The following CFAP36 variants were observed in gnomAD, a reference collection of about 807,000 sequenced individuals.
The protein encoded by CFAP36 is cilia and flagella associated protein 36.
CFAP36 carries 37 observed loss-of-function variants against 50.5 expected under a neutral mutation model. The observed-to-expected ratio is 0.73, with a 90% CI of 0.56 to 0.96. The LOEUF is 0.96. Among genes scored for constraint, CFAP36 ranks in the 50% least tolerant of loss-of-function variants. CFAP36 has a pLI of 0.00. For synonymous variants in CFAP36, 138 were observed against 128.2 expected, an observed-to-expected ratio of 1.08 and a Z score of -0.52; for missense variants, 407 against 396.2, an observed-to-expected ratio of 1.03 and a Z score of -0.23.
chr2:55,528,771 G>A (rs1684276290), intron 3 of CFAP36, 107 bp from the exon 4 acceptor site: 1 of 632,302 alleles, frequency 1.6e-6, no homozygotes, highest in Non-Finnish European at 2.8e-6. Flanking sequence ...AAATAACAAT[G>A]TAGCATTCTT....
Position 55,529,159 on chromosome 2 carries a change from C to T in CFAP36, c.397+167C>T, listed in dbSNP as rs184141372. Among the ~76,000 whole-genome samples the T allele has an allele frequency of 9.7e-3, 1,476 of 152,132 alleles. 7 individuals are homozygous for T. The highest frequency in any genetic ancestry group is 0.013 in the Non-Finnish European group (913 of 67,978). On this transcript the variant is annotated intron_variant, in intron 4 of 9. Transcript: ENST00000349456. ...GTATATGGCTGGGTGCAGTGGCTCA[C>T]GCCTGTAATCACAGCACTTTGGGAG...
At chr2:55,532,264 G>A (rs1684373685) in intron 4 of CFAP36, among the ~76,000 whole-genome samples, 1 of 151,824 alleles carries the variant, frequency 6.6e-6, no homozygotes, top group Non-Finnish European at 1.5e-5. Flanking sequence ...ATCCAGGGGT[G>A]AATACCTTAG....
At chr2:55,530,912 A>G (rs937070596) in intron 4 of CFAP36, 37 of 152,244 alleles carry the variant, frequency 2.4e-4, no homozygotes, top group African/African-American at 8.9e-4. Flanking sequence ...GGCCTGGAAC[A>G]TGCAACAATA....
chr2:55,544,959 AGAG>A lies in CFAP36; in HGVS notation c.984_986del (p.Arg329del), dbSNP rs770633609. On this transcript the variant is annotated inframe_deletion, in exon 10 of 10. Coordinates refer to ENST00000349456, the MANE Select transcript of CFAP36 (RefSeq NM_080667.7). Reference sequence around the variant, plus strand: ...GCAGAGGAGAAGCAAACATTACTAAAGAGGAGATTGCTTGCAGAGAAACTCAAA... The same window carrying A: ...GCAGAGGAGAAGCAAACATTACTAAAGAGATTGCTTGCAGAGAAACTCAAA... The A allele has an allele frequency of 2.5e-6, 4 of 1,607,212 alleles. No individual in the cohort carries two copies. The Admixed American group carries it at 5.1e-5, about 21-fold the overall frequency.
intron 1 of CFAP36, 102 bp from the exon 2 acceptor site, chr2:55,522,000 A>C: frequency 1.6e-6 from 1 of 615,126 alleles, no homozygotes; most frequent in Non-Finnish European, 2.9e-6. Flanking sequence ...TCAAAGCTGA[A>C]GAGCTAGGTT....
chr2:55,544,800 CCCA>C, intron 9 of CFAP36, 104 bp from the exon 10 acceptor site: 2 of 667,190 alleles, frequency 3.0e-6, no homozygotes, highest in Non-Finnish European at 5.2e-6. Context: ...CTCCCTCCGT[CCCA>C]CAAGAAGGTG....
At chr2:55,526,258 G>A (rs187314290) in intron 3 of CFAP36, among the ~76,000 whole-genome samples, 40 of 152,324 alleles carry the variant, frequency 2.6e-4, no homozygotes, top group Middle Eastern at 3.4e-3. Flanking sequence ...CCTGCTGGTA[G>A]AACAGAGATG....
chr2:55,530,976 G>A (rs1442091373), intron 4 of CFAP36: 1 of 152,166 alleles, frequency 6.6e-6, no homozygotes, highest in East Asian at 1.9e-4. Context: ...CCTTACTGGG[G>A]AGTTTCCTCC....
intron 3 of CFAP36, among the ~76,000 whole-genome samples, chr2:55,525,738 C>T (rs562635126): frequency 4.1e-4 from 62 of 152,212 alleles, no homozygotes; most frequent in African/African-American, 1.4e-3. Context: ...TCAAGTGATT[C>T]TCCTGCCTCA....
In CFAP36 at chr2:55,537,658, T is replaced by C. The variant is rs560240681; in HGVS notation, c.640+73T>C. 5 of 968,358 alleles carry C rather than the reference T, an allele frequency of 5.2e-6. No homozygotes were observed. The African/African-American group carries it at 6.7e-5, about 13-fold the overall frequency. 60.0% of individuals were successfully genotyped at this position (968,358 alleles called of 1,614,324 possible). A position where few individuals can be genotyped will look rare whatever the true frequency, so the allele number is the denominator to read the frequency against. Reference sequence around the variant, plus strand: ...ACACCATATAGAATGTGCCACTTTCTCATACTTATTTAACTTCAAAAGCCC... The same window carrying C: ...ACACCATATAGAATGTGCCACTTTCCCATACTTATTTAACTTCAAAAGCCC... On this transcript the variant is annotated intron_variant, in intron 7 of 9. Coordinates refer to ENST00000349456, the MANE Select transcript of CFAP36 (RefSeq NM_080667.7).
intron 6 of CFAP36, among the ~76,000 whole-genome samples, chr2:55,536,881 A>C (rs2103659681): frequency 6.6e-6 from 1 of 150,892 alleles, no homozygotes; most frequent in African/African-American, 2.4e-5. Flanking sequence ...AGTAGCTGGG[A>C]TTATAGGTGC....
chr2:55,525,386 G>A (rs1684180214), intron 3 of CFAP36, among the ~76,000 whole-genome samples: 1 of 152,146 alleles, frequency 6.6e-6, no homozygotes, highest in African/African-American at 2.4e-5. Flanking sequence ...GAGCCTAGGA[G>A]GTTGAAGCTG....
intron 5 of CFAP36, among the ~76,000 whole-genome samples, chr2:55,534,784 C>G (rs74773131): frequency 1.3e-5 from 2 of 152,172 alleles, no homozygotes; most frequent in Non-Finnish European, 2.9e-5. Flanking sequence ...CAGTTCCCCC[C>G]ACTTAGGTAC....
Position 55,522,092 on chromosome 2 carries a change from T to G in CFAP36, c.116-10T>G, listed in dbSNP as rs755755154. 6 of 1,399,244 alleles carry G rather than the reference T, an allele frequency of 4.3e-6. No individual in the cohort carries two copies. The highest frequency in any genetic ancestry group is 6.0e-6 in the Non-Finnish European group (6 of 1,005,006). The allele number at this position is 1,399,244 out of a possible 1,614,324, so 86.7% of individuals were successfully genotyped here. A position where few individuals can be genotyped will look rare whatever the true frequency, so the allele number is the denominator to read the frequency against. ...TTTTTACACTATGTAATATTTTCTTTTAAATTTAGTTTTTGATGATGAAGA... is the reference window on the plus strand; with the variant it reads ...TTTTTACACTATGTAATATTTTCTTGTAAATTTAGTTTTTGATGATGAAGA... On this transcript the variant is annotated splice_polypyrimidine_tract_variant and intron_variant, in intron 1 of 9. Transcript: ENST00000349456.
chr2:55,528,228 GTATTA>G (rs1304974119), intron 3 of CFAP36, among the ~76,000 whole-genome samples: 1 of 149,374 alleles, frequency 6.7e-6, no homozygotes, highest in Non-Finnish European at 1.5e-5. Context: ...TAATCATAAA[GTATTA>G]TATTTTATAG....
At chr2:55,539,535 T>C (rs980219250) in intron 7 of CFAP36, 2 of 152,262 alleles carry the variant, frequency 1.3e-5, no homozygotes, top group Admixed American at 1.3e-4. Context: ...GAAGAAAATC[T>C]TGGTTGCTTC....
At chr2:55,529,562 A>C (rs1684300932) in intron 4 of CFAP36, among the ~76,000 whole-genome samples, 1 of 151,978 alleles carries the variant, frequency 6.6e-6, no homozygotes, top group Non-Finnish European at 1.5e-5. Flanking sequence ...GTATTTTTGA[A>C]TGGTCATAGT....
chr2:55,540,498 C>T (rs1423267056), intron 7 of CFAP36, among the ~76,000 whole-genome samples: 1 of 152,154 alleles, frequency 6.6e-6, no homozygotes, highest in Non-Finnish European at 1.5e-5. Context: ...CTCTTGATTA[C>T]TGTAGTTTGA....
At chr2:55,531,645 C>T (rs998290311) in intron 4 of CFAP36, among the ~76,000 whole-genome samples, 1 of 152,224 alleles carries the variant, frequency 6.6e-6, no homozygotes, top group Non-Finnish European at 1.5e-5. Flanking sequence ...TCAACAGTGT[C>T]TTATGAAGAA....
Sources: gnomAD v4.1 joint callset for allele counts (sites outside exome capture counted in the v4.1 genomes callset) on GRCh38, gnomAD v4.1.1 for gene constraint, MANE v1.5 for transcripts, NCBI Gene and HGNC (gene_info 2026-07-23, HGNC 2026-07-21) for gene names.